Variants in ACSS3 observed in about 807,000 individuals in gnomAD.
The protein encoded by ACSS3 is acyl-CoA synthetase short chain family member 3.
ACSS3 carries 64 observed loss-of-function variants against 84.2 expected under a neutral mutation model. The ratio of observed to expected loss-of-function variants is 0.76; its 90% CI spans 0.62 to 0.94. The LOEUF (loss-of-function observed/expected upper bound fraction) is 0.94, where lower values mean the gene tolerates loss of function less well. Among genes scored for constraint, ACSS3 ranks in the 40% least tolerant of loss-of-function variants. The probability of loss-of-function intolerance (pLI) is 0.00; values close to 1 mark genes in which losing one functional copy is unlikely to be tolerated. For missense variants in ACSS3, 815 were observed against 867.6 expected (o/e 0.94, Z 0.76); for synonymous variants, 317 against 310.1 (o/e 1.02, Z -0.23).
chr12:81,117,871 T>G (rs760826169), intron 2 of ACSS3: 2 of 152,172 alleles, frequency 1.3e-5, no homozygotes, highest in Non-Finnish European at 2.9e-5. Flanking sequence ...CGTGAGATTC[T>G]GGAAGCTATT....
chr12:81,216,080 G>T (rs931458748), intron 9 of ACSS3, among the ~76,000 whole-genome samples: 5 of 151,914 alleles, frequency 3.3e-5, no homozygotes, highest in Admixed American at 6.6e-5. Flanking sequence ...CTCTAGGCAA[G>T]TGTAGCTCTT....
chr12:81,135,613 G>A (rs933424175), intron 3 of ACSS3, among the ~76,000 whole-genome samples: 2 of 151,524 alleles, frequency 1.3e-5, no homozygotes, highest in African/African-American at 2.4e-5. Context: ...TGTTCTCACT[G>A]TTAAGTGGGA....
rs1192924106 is a variant in ACSS3, at chr12:81,199,394, G to A, written c.1304G>A (p.Trp435Ter). ...CGATGTGATGTAGAGACCCTGGAAT[G>A]GTCCAAAAATGTCTTCAGAGTACCT... ...GERCDVETLE[W>*]SKNVFRVPVL... is the part of the protein sequence containing the mutation. The change falls in exon 9 of 16, where the codon TGG (tryptophan) becomes TAG (stop). Residue 435 changes from tryptophan (W) to a stop codon, truncating the protein, a stop_gained. Transcript: ENST00000548058. LOFTEE classifies it high-confidence loss of function. The A allele has an allele frequency of 1.2e-6, 2 of 1,613,558 alleles. No individual in the cohort carries two copies. Among genetic ancestry groups the A allele is most frequent in the Non-Finnish European group, 1.7e-6 (2 of 1,179,756 alleles).
Position 81,139,150 on chromosome 12 carries a change from C to G in ACSS3, c.665C>G (p.Ala222Gly). Reference protein sequence around the residue: ...DHVKPKVVVTASFGIEPGRRV... With the variant: ...DHVKPKVVVTGSFGIEPGRRV... ...TTGTAGCCCAAGGTGGTTGTTACAG[C>G]ATCATTTGGCATTGAACCTGGAAGG... The change falls in exon 4 of 16, where the codon GCA becomes GGA. Residue 222 changes from alanine (A) to glycine (G), a missense_variant. By Grantham distance (60) the Ala-to-Gly change is moderately conservative (BLOSUM62 0). Transcript: ENST00000548058. 1.9e-6 allele frequency: 3 copies of G among 1,613,538 alleles called. No homozygotes were observed. The highest frequency in any genetic ancestry group is 2.5e-6 in the Non-Finnish European group (3 of 1,179,574).
At chr12:81,253,922 T>G (rs2034226720) in intron 15 of ACSS3, among the ~76,000 whole-genome samples, 1 of 152,056 alleles carries the variant, frequency 6.6e-6, no homozygotes, top group Admixed American at 6.6e-5. Flanking sequence ...GAAAATATTT[T>G]TATTTATTTA....
Position 81,260,719 on chromosome 12 carries a change from G to A in ACSS3, c.*5797G>A, listed in dbSNP as rs2035171028. The A allele has an allele frequency of 6.6e-6, 1 of 152,150 alleles. No individual in the cohort carries two copies. The highest frequency in any genetic ancestry group is 1.5e-5 in the Non-Finnish European group (1 of 68,024). The allele number at this position is 152,150 out of a possible 1,614,324, so 9.4% of individuals were successfully genotyped here. ...CCAAAAGACCAACAATAAATTGTGT[G>A]GCACTTTTAGTTCAAGGCAATGAAA... On this transcript the variant is annotated 3_prime_UTR_variant, in exon 16 of 16. Coordinates refer to ENST00000548058, the MANE Select transcript of ACSS3 (RefSeq NM_024560.4).
rs1421225752 is a variant in ACSS3, at chr12:81,096,251, A to G, written c.312-13309A>G. ...GTCAGAAGAGAAAGTGTCAGGAGAGAATTTGTAAGGAGAATGTGTCAGGAG... is the reference window on the plus strand; with the variant it reads ...GTCAGAAGAGAAAGTGTCAGGAGAGGATTTGTAAGGAGAATGTGTCAGGAG... On this transcript the variant is annotated intron_variant, in intron 1 of 15. Transcript: ENST00000548058. 2.6e-5 allele frequency among the ~76,000 whole-genome samples: 4 copies of G among 152,300 alleles called. No homozygotes were observed. In the East Asian group the frequency reaches 7.7e-4, roughly 29 times the overall value.
intron 9 of ACSS3, among the ~76,000 whole-genome samples, chr12:81,213,935 TTC>T (rs1422969289): frequency 2.0e-5 from 2 of 101,682 alleles, no homozygotes; most frequent in Admixed American, 1.1e-4. Context: ...CTTCCTTCCT[TTC>T]TCTCTCTCTC....
intron 9 of ACSS3, among the ~76,000 whole-genome samples, chr12:81,208,012 A>G (rs548283980): frequency 6.6e-6 from 1 of 152,218 alleles, no homozygotes. Flanking sequence ...CTAAAATCCT[A>G]CCATCTCCTG....
At chr12:81,190,126 A>G (rs1051342219) in intron 8 of ACSS3, among the ~76,000 whole-genome samples, 4 of 152,086 alleles carry the variant, frequency 2.6e-5, no homozygotes, top group Admixed American at 6.6e-5. Flanking sequence ...TCTTTTTCAA[A>G]TTTGTTTTGA....
chr12:81,151,649 G>T, intron 5 of ACSS3, 195 bp from the exon 6 acceptor site: 1 of 487,858 alleles, frequency 2.0e-6, no homozygotes, highest in Non-Finnish European at 3.6e-6. Flanking sequence ...CACTAATGAG[G>T]ACAAATTATT....
In ACSS3 at chr12:81,257,861, A is replaced by C. The variant is rs1028440906; in HGVS notation, c.*2939A>C. 10 of 152,124 alleles carry C rather than the reference A, an allele frequency of 6.6e-5. No individual in the cohort carries two copies. The highest frequency in any genetic ancestry group is 2.4e-4 in the African/African-American group (10 of 41,436). The allele number at this position is 152,124 out of a possible 1,614,324, so 9.4% of individuals were successfully genotyped here. On this transcript the variant is annotated 3_prime_UTR_variant, in exon 16 of 16. Transcript: ENST00000548058. ...CTTCTTTTTTGAGGGAAATACCTGG[A>C]TCTTTTGCATCACTATATGTTAGTG... is the stretch of plus-strand genomic sequence containing the variant.
intron 13 of ACSS3, among the ~76,000 whole-genome samples, chr12:81,234,256 T>G (rs541795494): frequency 1.3e-5 from 2 of 151,586 alleles, no homozygotes; most frequent in Admixed American, 1.3e-4. Context: ...GTATAGAATT[T>G]CATCGTGCAG....
At position 81,231,075 on chromosome 12, in the gene ACSS3, G is replaced by A. The variant is rs2033442890; in HGVS notation, c.1533G>A (p.Gly511=). Residue 511 remains glycine (G), a synonymous_variant, in exon 12 of 16, where the codon GGG becomes GGA. Transcript: ENST00000548058. ...NIVVKLPLPP[G]AFSGLWKNQE... is the part of the protein sequence containing the mutation. ...ATATAAGGTTACCATTGCCACCTGG[G>A]GCTTTTTCAGGACTCTGGAAGAATC... 1 of 1,610,260 alleles carries A rather than the reference G, an allele frequency of 6.2e-7. No individual in the cohort carries two copies. Among genetic ancestry groups the A allele is most frequent in the African/African-American group, 1.3e-5 (1 of 74,670 alleles).
intron 7 of ACSS3, among the ~76,000 whole-genome samples, chr12:81,152,947 G>A (rs1359613584): frequency 1.3e-5 from 2 of 152,152 alleles, no homozygotes; most frequent in Non-Finnish European, 2.9e-5. Context: ...AACATAAGCT[G>A]TTGGTAGGAC....
intron 7 of ACSS3, among the ~76,000 whole-genome samples, chr12:81,154,882 C>G (rs184289421): frequency 6.6e-6 from 1 of 152,132 alleles, no homozygotes; most frequent in South Asian, 2.1e-4. Context: ...TCTGGTGTGA[C>G]TTTCCTCCTG....
intron 1 of ACSS3, among the ~76,000 whole-genome samples, chr12:81,080,657 G>C (rs539793352): frequency 3.8e-4 from 58 of 152,264 alleles, no homozygotes; most frequent in African/African-American, 1.4e-3. Flanking sequence ...ATCTATGACT[G>C]CATTGGATAC....
At chr12:81,117,508 T>C (rs1352580396) in intron 2 of ACSS3, among the ~76,000 whole-genome samples, 2 of 151,904 alleles carry the variant, frequency 1.3e-5, no homozygotes, top group South Asian at 2.1e-4. Flanking sequence ...TGAGTGAAAA[T>C]TGTATTAGGG....
At chr12:81,192,953 C>T (rs905475121) in intron 8 of ACSS3, among the ~76,000 whole-genome samples, 2 of 151,698 alleles carry the variant, frequency 1.3e-5, no homozygotes, top group African/African-American at 4.8e-5. Context: ...TTTGGTTGTA[C>T]TTGAGAAAAA....
Sources: allele counts gnomAD v4.1 joint callset (sites outside exome capture counted in the v4.1 genomes callset), GRCh38; gene constraint gnomAD v4.1.1; transcripts MANE v1.5; gene names NCBI Gene and HGNC (gene_info 2026-07-23, HGNC 2026-07-21).